Variants in DIS3L2 observed in about 807,000 individuals in gnomAD.
DIS3L2 encodes the protein DIS3-like exonuclease 2.
A neutral mutation model predicts 97.5 loss-of-function variants in DIS3L2; 34 were observed. The observed-to-expected ratio is 0.35, with a 90% CI of 0.27 to 0.46. The LOEUF (loss-of-function observed/expected upper bound fraction) is 0.46. Ranked by LOEUF, DIS3L2 falls within the 20% of genes least tolerant of loss-of-function variation. The pLI is 1.00. For missense variants in DIS3L2, 1,038 were observed against 1,146.0 expected, an observed-to-expected ratio of 0.91 and a Z score of 1.36; for synonymous variants, 435 against 445.2, an observed-to-expected ratio of 0.98 and a Z score of 0.29.
chr2:231,979,418 G>A (rs1204736623), intron 1 of DIS3L2, among the ~76,000 whole-genome samples: 3 of 151,634 alleles, frequency 2.0e-5, no homozygotes, highest in East Asian at 3.9e-4. Flanking sequence ...CACCATGCCC[G>A]GCTAATTTTT....
At chr2:232,160,153 A>G (rs1308215442) in intron 8 of DIS3L2, among the ~76,000 whole-genome samples, 1 of 152,172 alleles carries the variant, frequency 6.6e-6, no homozygotes, top group East Asian at 1.9e-4. Context: ...TATGCCATCT[A>G]CCTCTTTATT....
intron 1 of DIS3L2, among the ~76,000 whole-genome samples, chr2:231,966,238 A>G (rs973689915): frequency 2.7e-5 from 4 of 150,544 alleles, no homozygotes; most frequent in African/African-American, 9.9e-5. Context: ...GCACGATCTC[A>G]GCTTACTGCA....
chr2:232,103,305 T>C (rs780360899), intron 6 of DIS3L2, among the ~76,000 whole-genome samples: 10 of 152,170 alleles, frequency 6.6e-5, no homozygotes, highest in Non-Finnish European at 1.3e-4. Context: ...ATTGTCTTGT[T>C]CCAGACTTTA....
intron 5 of DIS3L2, among the ~76,000 whole-genome samples, chr2:232,040,636 A>G (rs1025354191): frequency 7.9e-5 from 12 of 152,222 alleles, no homozygotes; most frequent in Non-Finnish European, 1.5e-4. Context: ...ATGCATATAT[A>G]AACCCTGTGG....
intron 10 of DIS3L2, among the ~76,000 whole-genome samples, chr2:232,237,206 A>G (rs1250618804): frequency 6.6e-6 from 1 of 152,112 alleles, no homozygotes; most frequent in Non-Finnish European, 1.5e-5. Flanking sequence ...TAGGTGATTT[A>G]CAGTATGTTC....
chr2:232,108,208 G>C (rs1431128152), intron 6 of DIS3L2, among the ~76,000 whole-genome samples: 1 of 152,168 alleles, frequency 6.6e-6, no homozygotes, highest in African/African-American at 2.4e-5. Context: ...GGGATGCAAG[G>C]CTGGTTCAAC....
At chr2:232,043,784 A>C (rs1055323780) in intron 5 of DIS3L2, among the ~76,000 whole-genome samples, 1 of 152,208 alleles carries the variant, frequency 6.6e-6, no homozygotes, top group African/African-American at 2.4e-5. Flanking sequence ...ATGTACTGAC[A>C]TTTACTTGGT....
At chr2:232,122,821 T>G (rs1266872589) in intron 6 of DIS3L2, among the ~76,000 whole-genome samples, 4 of 152,192 alleles carry the variant, frequency 2.6e-5, no homozygotes, top group Non-Finnish European at 5.9e-5. Context: ...GCCAGGACAC[T>G]ACATGTAAAC....
intron 1 of DIS3L2, among the ~76,000 whole-genome samples, chr2:232,012,596 T>C (rs1694237860): frequency 6.6e-6 from 1 of 151,902 alleles, no homozygotes; most frequent in South Asian, 2.1e-4. Flanking sequence ...ACCCTGATCA[T>C]GGATCTGTCC....
At chr2:232,077,122 C>T (rs1426970692) in intron 5 of DIS3L2, among the ~76,000 whole-genome samples, 1 of 152,094 alleles carries the variant, frequency 6.6e-6, no homozygotes, top group Non-Finnish European at 1.5e-5. Context: ...TTCAGCCATC[C>T]TTCATGGTTT....
At chr2:232,181,624 AT>A in intron 9 of DIS3L2, among the ~76,000 whole-genome samples, 1 of 151,126 alleles carries the variant, frequency 6.6e-6, no homozygotes, top group East Asian at 1.9e-4. Context: ...ATGCCCGGCT[AT>A]TTTTTTTAAT....
intron 9 of DIS3L2, among the ~76,000 whole-genome samples, chr2:232,165,194 GA>G (rs1192475939): frequency 1.3e-5 from 2 of 152,206 alleles, no homozygotes; most frequent in Admixed American, 6.5e-5. Flanking sequence ...ATGTCAATAT[GA>G]TAGCATTCCT....
At chr2:232,145,432 G>A (rs1690191788) in intron 8 of DIS3L2, among the ~76,000 whole-genome samples, 1 of 152,132 alleles carries the variant, frequency 6.6e-6, no homozygotes, top group African/African-American at 2.4e-5. Context: ...GCTCTTCTAT[G>A]TAGATAATCA....
downstream of DIS3L2, among the ~76,000 whole-genome samples, chr2:232,341,605 C>T (rs139130532): frequency 5.3e-5 from 8 of 152,320 alleles, no homozygotes; most frequent in South Asian, 2.1e-4. Flanking sequence ...AAGATGGGGA[C>T]GCTGTCCACA....
chr2:232,220,723 A>G (rs1692478230), intron 10 of DIS3L2, among the ~76,000 whole-genome samples: 1 of 152,112 alleles, frequency 6.6e-6, no homozygotes, highest in African/African-American at 2.4e-5. Flanking sequence ...AAGAAAAGAA[A>G]TAGAAATTTG....
intron 13 of DIS3L2, among the ~76,000 whole-genome samples, chr2:232,342,444 G>C (rs950638909): frequency 1.8e-4 from 27 of 152,254 alleles, no homozygotes; most frequent in African/African-American, 5.8e-4. Flanking sequence ...CGGAACTGCT[G>C]TTTGTTTTAA....
chr2:232,234,776 C>T (rs957773202), intron 10 of DIS3L2, among the ~76,000 whole-genome samples: 1 of 152,204 alleles, frequency 6.6e-6, no homozygotes, highest in African/African-American at 2.4e-5. Context: ...GTATGAGCCC[C>T]ATTAGACCGA....
At chr2:232,191,732 A>G (rs1313193798) in intron 9 of DIS3L2, among the ~76,000 whole-genome samples, 8 of 152,220 alleles carry the variant, frequency 5.3e-5, no homozygotes, top group Non-Finnish European at 8.8e-5. Context: ...GGGAGAATCA[A>G]GAGTTTCAAA....
chr2:232,190,621 G>A (rs552796378), intron 9 of DIS3L2, among the ~76,000 whole-genome samples: 1 of 152,108 alleles, frequency 6.6e-6, no homozygotes, highest in African/African-American at 2.4e-5. Context: ...AGGAAGAAAG[G>A]AAGAAAGAAA....
Sources: gnomAD v4.1 joint callset for allele counts (sites outside exome capture counted in the v4.1 genomes callset) on GRCh38, gnomAD v4.1.1 for gene constraint, MANE v1.5 for transcripts, NCBI Gene and HGNC (gene_info 2026-07-23, HGNC 2026-07-21) for gene names.